DRC4: variants seen among roughly 807,000 people sequenced by gnomAD.
The protein encoded by DRC4 is GAS-11.
chr16:90,019,810 G>A, the DRC4 span: 2 of 688,384 alleles, frequency 2.9e-6, no homozygotes, highest in Non-Finnish European at 5.3e-6. The surrounding 1 kb of genome is among the most constrained non-coding windows in gnomAD (Gnocchi z 6.1). Context: ...GGCGCCCCTC[G>A]GGGCTGGCGA....
the DRC4 span, chr16:90,035,610 A>G: frequency 1.2e-6 from 2 of 1,614,144 alleles, no homozygotes; most frequent in Non-Finnish European, 1.7e-6. Context: ...GCTGTGTAGT[A>G]ATGGCCGCTT....
chr16:90,032,301 G>A, the DRC4 span, among the ~76,000 whole-genome samples: 1 of 151,780 alleles, frequency 6.6e-6, no homozygotes, highest in Non-Finnish European at 1.5e-5. Context: ...GTGAGGAGGT[G>A]TGGTACAGGT....
At chr16:90,039,666 C>G in the DRC4 span, 1 of 155,908 alleles carries the variant, frequency 6.4e-6, no homozygotes, top group South Asian at 2.0e-4. Context: ...GGATTACAGG[C>G]GTGAGCCACC....
chr16:90,026,104 G>A, the DRC4 span, among the ~76,000 whole-genome samples: 2 of 152,102 alleles, frequency 1.3e-5, no homozygotes, highest in Admixed American at 1.3e-4. Flanking sequence ...TTGGGCGACA[G>A]AGCAAGACTT....
At chr16:90,028,913 T>C in the DRC4 span, 1 of 1,286,796 alleles carries the variant, frequency 7.8e-7, no homozygotes, top group South Asian at 1.2e-5. Flanking sequence ...TGAACAATGG[T>C]AAAGAATGGC....
chr16:90,038,426 G>C, the DRC4 span, among the ~76,000 whole-genome samples: 27 of 152,218 alleles, frequency 1.8e-4, no homozygotes, highest in African/African-American at 6.0e-4. Context: ...CAGCTGCTTG[G>C]TGCTGCGTTT....
At chr16:90,040,467 C>T in the DRC4 span, 3 of 1,609,498 alleles carry the variant, frequency 1.9e-6, no homozygotes, top group African/African-American at 1.3e-5. Flanking sequence ...CTGCCTCTAA[C>T]CTGGACCCTG....
At chr16:90,035,029 G>C in the DRC4 span, among the ~76,000 whole-genome samples, 1,050 of 149,890 alleles carry the variant, frequency 7.0e-3, 16 homozygotes, top group African/African-American at 0.025. Context: ...TCAGCCTCTC[G>C]ACTAGCTGGG....
the DRC4 span, chr16:90,029,088 C>A: frequency 6.5e-6 from 8 of 1,239,042 alleles, no homozygotes; most frequent in Non-Finnish European, 8.3e-6. Flanking sequence ...TCTCCCTGTC[C>A]GCTTCCCATT....
At chr16:90,023,970 A>G in the DRC4 span, among the ~76,000 whole-genome samples, 2 of 144,026 alleles carry the variant, frequency 1.4e-5, no homozygotes, top group Non-Finnish European at 3.0e-5. Context: ...CCAGCCTGGC[A>G]ACACGTCTCT....
chr16:90,028,523 G>T, the DRC4 span, among the ~76,000 whole-genome samples: 1 of 152,188 alleles, frequency 6.6e-6, no homozygotes, highest in Non-Finnish European at 1.5e-5. Flanking sequence ...TCCCAACAAG[G>T]AGTAACAGCA....
At chr16:90,020,108 T>G in the DRC4 span, 10 of 606,714 alleles carry the variant, frequency 1.6e-5, no homozygotes, top group Admixed American at 2.2e-4. Flanking sequence ...TTCCCTCCAC[T>G]GCTGGGTCAT....
At chr16:90,029,081 C>G in the DRC4 span, 1 of 1,261,482 alleles carries the variant, frequency 7.9e-7, no homozygotes, top group African/African-American at 1.6e-5. Flanking sequence ...CTGCCCGTCT[C>G]CCTGTCCGCT....
the DRC4 span, among the ~76,000 whole-genome samples, chr16:90,026,487 C>T: frequency 6.6e-6 from 1 of 152,154 alleles, no homozygotes; most frequent in African/African-American, 2.4e-5. Context: ...GTTGTCACAA[C>T]CGATCGTGGT....
the DRC4 span, chr16:90,029,165 CGGGGCAGCTTACGGGGCAGGCTAT>C: frequency 5.9e-6 from 7 of 1,195,400 alleles, no homozygotes; most frequent in Non-Finnish European, 6.4e-6. Flanking sequence ...GGGCAGGCTA[CGGGGCAGCTTACGGGGCAGGCTAT>C]GGGGCAGCCT....
At chr16:90,038,446 T>C in the DRC4 span, among the ~76,000 whole-genome samples, 1 of 152,262 alleles carries the variant, frequency 6.6e-6, no homozygotes, top group South Asian at 2.1e-4. Context: ...TTGTGAACGT[T>C]TGATCATTTA....
At chr16:90,043,419 G>T in the DRC4 span, 1 of 1,391,122 alleles carries the variant, frequency 7.2e-7, no homozygotes, top group South Asian at 1.3e-5. Flanking sequence ...ATCACACCAA[G>T]GACAGCAAGT....
At chr16:90,038,898 G>T in the DRC4 span, among the ~76,000 whole-genome samples, 1 of 152,234 alleles carries the variant, frequency 6.6e-6, no homozygotes, top group Non-Finnish European at 1.5e-5. Flanking sequence ...TCTGTGGTGT[G>T]CGGGGCCAGG....
At chr16:90,043,196 G>T in the DRC4 span, 1 of 1,610,470 alleles carries the variant, frequency 6.2e-7, no homozygotes, top group South Asian at 1.1e-5. Flanking sequence ...GTCTCCACAG[G>T]CCCATAACGA....
Sources: gnomAD v4.1 joint callset for allele counts (sites outside exome capture counted in the v4.1 genomes callset) on GRCh38, gnomAD v4.1.1 for gene constraint, Gnocchi (gnomAD v3.1) non-coding constraint, MANE v1.5 for transcripts, NCBI Gene and HGNC (gene_info 2026-07-23, HGNC 2026-07-21) for gene names.